SHOX: variants seen among roughly 807,000 people sequenced by gnomAD.
SHOX encodes SHOX homeobox, also known as short stature homeobox protein.
A neutral mutation model predicts 29.6 loss-of-function variants in SHOX; 12 were observed. The ratio of observed to expected loss-of-function variants is 0.41; its 90% confidence interval spans 0.26 to 0.66. The LOEUF (loss-of-function observed/expected upper bound fraction) is 0.66, where lower values mean the gene tolerates loss of function less well. Among genes scored for constraint, SHOX ranks in the 30% least tolerant of loss-of-function variants. The pLI is 0.35. For synonymous variants in SHOX, 214 were observed against 200.6 expected, an observed-to-expected ratio of 1.07 and a Z score of -0.57; for missense variants, 499 against 437.7, an observed-to-expected ratio of 1.14 and a Z score of -1.25.
At chrX:633,088 G>C (rs2052678520) in intron 1 of SHOX, among the ~76,000 whole-genome samples, 1 of 152,138 alleles carries the variant, frequency 6.6e-6, no homozygotes, top group Non-Finnish European at 1.5e-5. Flanking sequence ...CCTTGGCTGG[G>C]TGCAGAAAGA....
chrX:629,736 G>A (rs2052614492), upstream of SHOX, among the ~76,000 whole-genome samples: 1 of 152,084 alleles, frequency 6.6e-6, no homozygotes, highest in African/African-American at 2.4e-5. Flanking sequence ...GGGAGGAAGG[G>A]GACTCCGGGC....
intron 2 of SHOX, among the ~76,000 whole-genome samples, chrX:635,387 G>C (rs1252538907): frequency 6.6e-6 from 1 of 152,166 alleles, no homozygotes; most frequent in Non-Finnish European, 1.5e-5. Flanking sequence ...AGGATGAAAG[G>C]AGAGGGGTGT....
chrX:630,504 A>C, upstream of SHOX: 7 of 314,714 alleles, frequency 2.2e-5, no homozygotes, highest in African/African-American at 4.3e-5. Context: ...CACGGAGAGA[A>C]CGCGGGTAAC....
intron 4 of SHOX, 130 bp downstream of exon 4, chrX:641,217 GA>G: frequency 2.2e-6 from 2 of 923,750 alleles, no homozygotes; most frequent in Non-Finnish European, 3.5e-6. Context: ...CTGGCCCTTA[GA>G]AAAAAAGCCT....
rs376784254 is a variant in SHOX at position 644,794 on chromosome X, C to T, written c.*158C>T. Reference sequence around the variant, plus strand: ...CAAGAGGCCTGAGGAGGGAGGCTCCCGGGACCGTCCACGCACGACCCAGCC... The same window carrying T: ...CAAGAGGCCTGAGGAGGGAGGCTCCTGGGACCGTCCACGCACGACCCAGCC... On this transcript the variant is annotated 3_prime_UTR_variant, in exon 5 of 5. Coordinates refer to ENST00000686671, the MANE Select transcript of SHOX (RefSeq NM_000451.4). The T allele has an allele frequency of 6.5e-5, 66 of 1,018,976 alleles. 1 individual carries two copies. In the African/African-American group the frequency reaches 9.1e-4, roughly 14 times the overall value. The allele number at this position is 1,018,976 out of a possible 1,614,324, so 63.1% of individuals were successfully genotyped here.
At chrX:644,234 A>C in intron 4 of SHOX, 157 bp from the exon 5 acceptor site, 2 of 601,042 alleles carry the variant, frequency 3.3e-6, no homozygotes, top group Non-Finnish European at 4.2e-6. Flanking sequence ...GCCAGGGGGA[A>C]GGAGGAAAGG....
chrX:626,581 CTCTG>C (rs1196895452), upstream of SHOX, among the ~76,000 whole-genome samples: 17 of 16,756 alleles, frequency 1.0e-3, 2 homozygotes, highest in South Asian at 4.3e-3. Flanking sequence ...CTGTCTGTAT[CTCTG>C]TCTGTCTCTG....
At chrX:635,943 C>T (rs1474036917) in intron 2 of SHOX, among the ~76,000 whole-genome samples, 1 of 151,564 alleles carries the variant, frequency 6.6e-6, no homozygotes, top group Admixed American at 6.6e-5. Context: ...TTAAGATTGC[C>T]GACCAGAGAG....
chrX:632,676 G>C (rs2052671959), intron 1 of SHOX, among the ~76,000 whole-genome samples: 1 of 152,166 alleles, frequency 6.6e-6, no homozygotes, highest in South Asian at 2.1e-4. Context: ...CTGTGGCTAC[G>C]GTTTACAAAG....
intron 2 of SHOX, among the ~76,000 whole-genome samples, chrX:635,257 A>G (rs1319532549): frequency 6.6e-6 from 1 of 152,110 alleles, no homozygotes; most frequent in Non-Finnish European, 1.5e-5. Flanking sequence ...TTAGGAGACG[A>G]AGCTACAGAT....
upstream of SHOX, among the ~76,000 whole-genome samples, chrX:627,651 G>T (rs2052562131): frequency 6.7e-6 from 1 of 149,270 alleles, no homozygotes; most frequent in Non-Finnish European, 1.5e-5. Context: ...TTTCTCCGAG[G>T]CCGAGGGGCC....
upstream of SHOX, among the ~76,000 whole-genome samples, chrX:629,523 GTC>G (rs1039735930): frequency 5.8e-5 from 8 of 138,916 alleles, no homozygotes; most frequent in East Asian, 2.2e-4. Context: ...CTCTCTCCCT[GTC>G]TCTCTCTCTC....
At chrX:633,702 G>T (rs1378351038) in intron 1 of SHOX, among the ~76,000 whole-genome samples, 1 of 152,014 alleles carries the variant, frequency 6.6e-6, no homozygotes, top group East Asian at 1.9e-4. Flanking sequence ...AGGGCATCGC[G>T]TGCTTCTCAT....
At chrX:625,487 T>C (rs1317173495) in intron 1 of SHOX, among the ~76,000 whole-genome samples, 1 of 152,012 alleles carries the variant, frequency 6.6e-6, no homozygotes, top group Non-Finnish European at 1.5e-5. Flanking sequence ...TGTCTGTCTC[T>C]CTGTCCCCTG....
At chrX:624,880 T>TCC (rs2052482560) in intron 1 of SHOX, among the ~76,000 whole-genome samples, 9 of 80,400 alleles carry the variant, frequency 1.1e-4, no homozygotes, top group African/African-American at 7.1e-4. Context: ...CTTTCTTTCT[T>TCC]TCTTTCTTTC....
upstream of SHOX, chrX:630,572 A>G (rs2052629203): frequency 4.2e-6 from 2 of 478,334 alleles, no homozygotes; most frequent in Non-Finnish European, 7.6e-6. Flanking sequence ...CTCCCTTCCA[A>G]AAATGGGATC....
chrX:656,236 G>T (rs1344582533), downstream of SHOX, among the ~76,000 whole-genome samples: 3 of 151,988 alleles, frequency 2.0e-5, no homozygotes, highest in Non-Finnish European at 4.4e-5. Flanking sequence ...GAGCCCAGGA[G>T]TTCGAGACCA....
At chrX:638,497 T>A (rs908645863) in intron 2 of SHOX, among the ~76,000 whole-genome samples, 3 of 151,990 alleles carry the variant, frequency 2.0e-5, no homozygotes, top group African/African-American at 7.3e-5. Context: ...TATTGGTGAA[T>A]TTCGATGTCA....
chrX:640,708 C>T, intron 2 of SHOX, 113 bp from the exon 3 acceptor site: 3 of 1,209,660 alleles, frequency 2.5e-6, no homozygotes, highest in Non-Finnish European at 3.7e-6. Flanking sequence ...TCAGTCACCT[C>T]CCAGCTCCCA....
Sources: allele counts gnomAD v4.1 joint callset (sites outside exome capture counted in the v4.1 genomes callset), GRCh38; gene constraint gnomAD v4.1.1; transcripts MANE v1.5; gene names NCBI Gene and HGNC (gene_info 2026-07-23, HGNC 2026-07-21).